Variants in PBX1 observed in about 807,000 individuals in gnomAD.
PBX1 encodes the protein pre-B-cell leukemia transcription factor 1.
In PBX1, 6 loss-of-function variants were observed where a neutral mutation model predicts 53.4. The observed-to-expected ratio is 0.11, with a 90% confidence interval of 0.06 to 0.22. The LOEUF (loss-of-function observed/expected upper bound fraction) is 0.22. PBX1 is among the 10% of genes least tolerant of loss of function. The pLI is 1.00. For missense variants in PBX1, 251 were observed against 551.4 expected (o/e 0.46, Z 5.46); for synonymous variants, 204 against 212.3 (o/e 0.96, Z 0.34).
intron 2 of PBX1, among the ~76,000 whole-genome samples, chr1:164,672,231 G>T (rs1661161989): frequency 1.3e-5 from 2 of 152,018 alleles, no homozygotes; most frequent in Non-Finnish European, 2.9e-5. Context: ...GTTTATTGTT[G>T]TACTTTTTCC....
At chr1:164,797,119 A>AC (rs1396148744) in intron 3 of PBX1, among the ~76,000 whole-genome samples, 1 of 152,074 alleles carries the variant, frequency 6.6e-6, no homozygotes, top group Non-Finnish European at 1.5e-5. Context: ...GGGTGAAACG[A>AC]CCCCACTGTC....
intron 2 of PBX1, among the ~76,000 whole-genome samples, chr1:164,608,430 A>G (rs963347917): frequency 6.6e-6 from 1 of 152,154 alleles, no homozygotes; most frequent in Non-Finnish European, 1.5e-5. Context: ...GTTAACACAA[A>G]GTCTCTGGTA....
At chr1:164,879,309 TAAAACA>T (rs1334683747) in intron 2 of PBX1, among the ~76,000 whole-genome samples, 1 of 152,120 alleles carries the variant, frequency 6.6e-6, no homozygotes, top group Non-Finnish European at 1.5e-5. Context: ...AAGATATAAA[TAAAACA>T]ATTTCAGTGG....
intron 2 of PBX1, among the ~76,000 whole-genome samples, chr1:164,658,166 CA>C (rs5778403): frequency 0.7 from 96,616 of 138,356 alleles, 34,103 homozygotes; most frequent in Non-Finnish European, 0.78. Context: ...AAATGAGGTA[CA>C]AAAAAAAAAA....
rs1558053913 is a variant in PBX1, at chr1:164,870,355, T to TCC, written n.258-28833_258-28832insCC. 3.5e-4 allele frequency among the ~76,000 whole-genome samples: 33 copies of TCC among 94,874 alleles called. 1 individual carries two copies. Among genetic ancestry groups the TCC allele is most frequent in the African/African-American group, 1.0e-3 (27 of 27,104 alleles). 62.2% of individuals were successfully genotyped at this position (94,874 alleles called of 152,430 possible). On this transcript the variant is annotated intron_variant and non_coding_transcript_variant, in intron 2 of 2. Transcript: ENST00000558796. ...TTTCTTTCTTTCTTTCTTTCTTTCTTTCTTTCGAGATGAAGTCTTGCTCTG... is the reference window on the plus strand; with the variant it reads ...TTTCTTTCTTTCTTTCTTTCTTTCTTCCTCTTTCGAGATGAAGTCTTGCTCTG...
At position 164,721,141 on chromosome 1, in the gene PBX1, G is replaced by A. The variant is rs184587524; in HGVS notation, c.266-71353G>A. ...GTCTGTAAGCATTCTAGGGTTCATCGGAAACTGTCTACTCCCATTTCTGGA... is the reference window on the plus strand; with the variant it reads ...GTCTGTAAGCATTCTAGGGTTCATCAGAAACTGTCTACTCCCATTTCTGGA... On this transcript the variant is annotated intron_variant, in intron 2 of 8. Coordinates refer to ENST00000420696, the MANE Select transcript of PBX1 (RefSeq NM_002585.4). Among the ~76,000 whole-genome samples the A allele has an allele frequency of 1.8e-4, 27 of 152,266 alleles. 1 individual carries two copies. In the East Asian group the frequency reaches 4.4e-3, roughly 25 times the overall value.
intron 2 of PBX1, among the ~76,000 whole-genome samples, chr1:164,758,700 C>CTTT (rs112745235): frequency 6.8e-6 from 1 of 146,520 alleles, no homozygotes; most frequent in Non-Finnish European, 1.5e-5. Flanking sequence ...AGTTAGATCA[C>CTTT]TTTTTTTTTT....
chr1:164,793,076 C>A (rs1322336358), intron 3 of PBX1, among the ~76,000 whole-genome samples: 1 of 152,160 alleles, frequency 6.6e-6, no homozygotes, highest in Non-Finnish European at 1.5e-5. Flanking sequence ...GGCTCTCATC[C>A]GGGCGCTATA....
chr1:164,742,310 G>A (rs1665654004), intron 2 of PBX1, among the ~76,000 whole-genome samples: 1 of 152,168 alleles, frequency 6.6e-6, no homozygotes, highest in African/African-American at 2.4e-5. Context: ...GTGAGGCCGA[G>A]GCCATTGGAT....
intron 2 of PBX1, among the ~76,000 whole-genome samples, chr1:164,860,371 CT>C (rs1344005048): frequency 1.3e-5 from 2 of 152,298 alleles, no homozygotes; most frequent in South Asian, 2.1e-4. Flanking sequence ...AAAAGAAATA[CT>C]GTTAAAATGA....
chr1:164,738,092 G>T (rs931731110), intron 2 of PBX1, among the ~76,000 whole-genome samples: 1 of 152,026 alleles, frequency 6.6e-6, no homozygotes, highest in Admixed American at 6.6e-5. Context: ...TTAATAGTTT[G>T]TTGTTTCTGA....
intron 2 of PBX1, chr1:164,771,130 A>G (rs1314388695): frequency 6.6e-6 from 1 of 152,050 alleles, no homozygotes; most frequent in Non-Finnish European, 1.5e-5. Flanking sequence ...TTCAGTGTTT[A>G]TTGCTTTTTT....
At chr1:164,670,433 C>T (rs533273020) in intron 2 of PBX1, among the ~76,000 whole-genome samples, 29 of 152,276 alleles carry the variant, frequency 1.9e-4, no homozygotes, top group African/African-American at 7.0e-4. Context: ...ATATGTATGT[C>T]AGCTATCCCT....
At chr1:164,745,600 G>C (rs1356307007) in intron 2 of PBX1, among the ~76,000 whole-genome samples, 1 of 152,180 alleles carries the variant, frequency 6.6e-6, no homozygotes, top group African/African-American at 2.4e-5. Flanking sequence ...AAAGAAGGTA[G>C]TAGTAATAGC....
intron 7 of PBX1, 85 bp downstream of exon 7, chr1:164,820,269 G>A: frequency 1.5e-6 from 1 of 682,782 alleles, no homozygotes; most frequent in Non-Finnish European, 2.5e-6. Context: ...CTTCTGTCCA[G>A]AGAGAGAGAG....
chr1:164,673,643 C>A (rs1257054001), intron 2 of PBX1, among the ~76,000 whole-genome samples: 1 of 151,838 alleles, frequency 6.6e-6, no homozygotes, highest in Non-Finnish European at 1.5e-5. Flanking sequence ...GCGAAAGTTA[C>A]TAACATTTTT....
At chr1:164,644,472 C>T (rs1310984020) in intron 2 of PBX1, among the ~76,000 whole-genome samples, 1 of 152,156 alleles carries the variant, frequency 6.6e-6, no homozygotes, top group African/African-American at 2.4e-5. Flanking sequence ...GCCTGCCACC[C>T]TTCGCTTACA....
intron 1 of PBX1, among the ~76,000 whole-genome samples, chr1:164,561,678 T>G (rs1653055771): frequency 6.6e-6 from 1 of 152,172 alleles, no homozygotes; most frequent in Non-Finnish European, 1.5e-5. Flanking sequence ...TCAGTCTCTC[T>G]TCTTTTGTGA....
chr1:164,713,342 G>A (rs567890738), intron 2 of PBX1, among the ~76,000 whole-genome samples: 135 of 152,202 alleles, frequency 8.9e-4, no homozygotes, highest in Non-Finnish European at 7.5e-4. Flanking sequence ...ATGTGTAGGA[G>A]GTCAGGAACA....
Sources: allele counts gnomAD v4.1 joint callset (sites outside exome capture counted in the v4.1 genomes callset), GRCh38; gene constraint gnomAD v4.1.1; transcripts MANE v1.5; gene names NCBI Gene and HGNC (gene_info 2026-07-23, HGNC 2026-07-21).